SPRY3: variants seen among roughly 807,000 people sequenced by gnomAD.
SPRY3 encodes sprouty RTK signaling antagonist 3, also known as protein sprouty homolog 3.
Under a neutral mutation model 20.2 loss-of-function variants are expected in SPRY3, and 15 were observed. The observed-to-expected ratio is 0.74, with a 90% CI of 0.50 to 1.14. SPRY3 has a LOEUF of 1.14. Among genes scored for constraint, SPRY3 ranks in the 50% most tolerant of loss-of-function variants. SPRY3 has a pLI of 0.00. For missense variants in SPRY3, 364 were observed against 363.9 expected (o/e 1.00, Z 0.00); for synonymous variants, 143 against 136.5 (o/e 1.05, Z -0.33).
chrX:155,779,966 T>C (rs1453512601), downstream of SPRY3: 1 of 166,904 alleles, frequency 6.0e-6, no homozygotes, highest in African/African-American at 2.4e-5. Flanking sequence ...ATATCCTTAT[T>C]TTCACTCTCA....
At chrX:155,732,662 G>A (rs774897792) in intron 2 of SPRY3, among the ~76,000 whole-genome samples, 3 of 151,880 alleles carry the variant, frequency 2.0e-5, no homozygotes, top group Non-Finnish European at 2.9e-5. Flanking sequence ...TATACCCAAA[G>A]GAAAAGAAAT....
exon 4 of SPRY3, chrX:155,774,897 G>C: frequency 5.2e-6 from 4 of 774,286 alleles, no homozygotes; most frequent in Non-Finnish European, 6.3e-6. Context: ...ACATCCTGGT[G>C]CAGGATGCCT....
chrX:155,690,634 A>G (rs1446335823), intron 2 of SPRY3, among the ~76,000 whole-genome samples: 4 of 87,543 alleles, frequency 4.6e-5, no homozygotes, highest in Non-Finnish European at 8.5e-5. Context: ...ATTCGACAAG[A>G]AGACCTAACT....
intron 1 of SPRY3, among the ~76,000 whole-genome samples, chrX:155,650,102 A>G (rs1557352245): frequency 9.0e-6 from 1 of 111,727 alleles, no homozygotes; most frequent in Non-Finnish European, 1.9e-5. Flanking sequence ...GCTCGAGGAA[A>G]TAAGAGAGGA....
chrX:155,723,565 G>C (rs1009482282), intron 2 of SPRY3, among the ~76,000 whole-genome samples: 1 of 152,090 alleles, frequency 6.6e-6, no homozygotes, highest in Non-Finnish European at 1.5e-5. Flanking sequence ...GTGTCTGTTG[G>C]CTGCATAAAT....
At chrX:155,686,811 T>C (rs965528726) in intron 2 of SPRY3, among the ~76,000 whole-genome samples, 1 of 112,361 alleles carries the variant, frequency 8.9e-6, no homozygotes, top group Non-Finnish European at 1.9e-5. Context: ...CTCAGAGTTT[T>C]GGCTCCTGCA....
chrX:155,633,306 C>T (rs1210585618), intron 1 of SPRY3, among the ~76,000 whole-genome samples: 9 of 100,287 alleles, frequency 9.0e-5, no homozygotes, highest in Non-Finnish European at 1.6e-4. Context: ...TTTGGGAGGC[C>T]GAGGCGGGCG....
chrX:155,753,865 A>T (rs1442491725), intron 2 of SPRY3, among the ~76,000 whole-genome samples: 1 of 151,942 alleles, frequency 6.6e-6, no homozygotes, highest in Non-Finnish European at 1.5e-5. Flanking sequence ...GCATGTTTTC[A>T]TGCACATATT....
At chrX:155,704,288 G>T (rs972631465) in intron 2 of SPRY3, among the ~76,000 whole-genome samples, 7 of 151,638 alleles carry the variant, frequency 4.6e-5, no homozygotes, top group Admixed American at 2.0e-4. Context: ...CAAGATAGAT[G>T]GGTAATTTCT....
At chrX:155,652,108 G>A (rs2067979062) in intron 1 of SPRY3, among the ~76,000 whole-genome samples, 2 of 110,827 alleles carry the variant, frequency 1.8e-5, no homozygotes, top group Admixed American at 1.9e-4. Flanking sequence ...TCACCATCAG[G>A]AGAACAGCGA....
intron 2 of SPRY3, among the ~76,000 whole-genome samples, chrX:155,730,643 C>G (rs1302332548): frequency 6.6e-6 from 1 of 151,830 alleles, no homozygotes; most frequent in Non-Finnish European, 1.5e-5. Flanking sequence ...ACTAACGTAG[C>G]ATTAGAAGTC....
At chrX:155,712,318 G>A (rs993998788) in intron 2 of SPRY3, among the ~76,000 whole-genome samples, 31 of 151,704 alleles carry the variant, frequency 2.0e-4, no homozygotes, top group African/African-American at 7.3e-4. Flanking sequence ...ATTGTATTGG[G>A]GTCTATCTCT....
chrX:155,666,321 A>G (rs112339819), intron 2 of SPRY3, among the ~76,000 whole-genome samples: 1,932 of 111,823 alleles, frequency 0.017, 54 homozygotes, highest in African/African-American at 0.06. Context: ...GGGATAGATC[A>G]TGCAAATATT....
chrX:155,763,535 C>G (rs2091312620), intron 2 of SPRY3, among the ~76,000 whole-genome samples: 1 of 152,122 alleles, frequency 6.6e-6, no homozygotes, highest in South Asian at 2.1e-4. Flanking sequence ...AAATTTATTT[C>G]TAATTCCCAG....
chrX:155,718,323 C>T (rs1432977430), intron 2 of SPRY3, among the ~76,000 whole-genome samples: 1 of 152,008 alleles, frequency 6.6e-6, no homozygotes, highest in Non-Finnish European at 1.5e-5. Context: ...AGATTGTGTT[C>T]AGAAAAATAC....
In SPRY3 at chrX:155,774,262, G is replaced by A. The variant is rs747994840; in HGVS notation, c.391G>A (p.Gly131Arg). ...CCCAAAGGCTGATGGTGCTCTGAAGGGAGAAGCTGAGCAATCTGCAGGGCA... is the reference window on the plus strand; with the variant it reads ...CCCAAAGGCTGATGGTGCTCTGAAGAGAGAAGCTGAGCAATCTGCAGGGCA... Residue 131 changes from glycine (G) to arginine (R), a missense_variant, in exon 4 of 4, where the codon GGA becomes AGA. Gly to Arg is a moderately radical substitution (Grantham distance 125). Coordinates refer to ENST00000675360, the Ensembl canonical transcript of SPRY3. 1.1e-5 allele frequency: 17 copies of A among 1,613,862 alleles called. No individual in the cohort carries two copies. The East Asian group carries it at 3.3e-4, about 32-fold the overall frequency.
intron 1 of SPRY3, among the ~76,000 whole-genome samples, chrX:155,653,114 C>T (rs2067982050): frequency 1.8e-5 from 2 of 111,419 alleles, no homozygotes; most frequent in Admixed American, 1.9e-4. Context: ...ATTCTGAACA[C>T]TAGATCCTTA....
intron 2 of SPRY3, among the ~76,000 whole-genome samples, chrX:155,755,462 A>G (rs2124586662): frequency 6.6e-6 from 1 of 152,072 alleles, no homozygotes; most frequent in East Asian, 1.9e-4. Context: ...CTTGGGTTCA[A>G]ATCTCATTTA....
chrX:155,772,744 A>G (rs1215263390), intron 3 of SPRY3, among the ~76,000 whole-genome samples: 1 of 152,100 alleles, frequency 6.6e-6, no homozygotes, highest in African/African-American at 2.4e-5. Context: ...ACTGTAGTAC[A>G]ATGGAAATGC....
Sources: allele counts gnomAD v4.1 joint callset (sites outside exome capture counted in the v4.1 genomes callset), GRCh38; gene constraint gnomAD v4.1.1; transcripts MANE v1.5; gene names NCBI Gene and HGNC (gene_info 2026-07-23, HGNC 2026-07-21).